Variants in CREB5 observed in about 807,000 individuals in gnomAD.
CREB5 encodes the protein cyclic AMP-responsive element-binding protein 5.
In CREB5, 19 loss-of-function variants were observed where a neutral mutation model predicts 57.1. That is an observed-to-expected ratio of 0.33 (90% CI 0.23 to 0.49). CREB5 has a LOEUF of 0.49. CREB5 is among the 20% of genes least tolerant of loss of function. The pLI is 0.99. For missense variants in CREB5, 579 were observed against 671.6 expected (o/e 0.86, Z 1.52); for synonymous variants, 238 against 238.3 (o/e 1.00, Z 0.01).
intron 1 of CREB5, among the ~76,000 whole-genome samples, chr7:28,316,224 G>C (rs1562653631): frequency 6.6e-6 from 1 of 152,118 alleles, no homozygotes; most frequent in Non-Finnish European, 1.5e-5. Flanking sequence ...TGGGCTGGGG[G>C]TGGAGGGTGT....
chr7:28,733,552 T>A (rs1803789047), intron 7 of CREB5, among the ~76,000 whole-genome samples: 1 of 152,238 alleles, frequency 6.6e-6, no homozygotes, highest in South Asian at 2.1e-4. Context: ...TCAGCTCAAA[T>A]GTACCTTTCC....
At chr7:28,804,603 C>A (rs1160328523) in intron 8 of CREB5, 81 bp downstream of exon 8, 15 of 1,519,550 alleles carry the variant, frequency 9.9e-6, no homozygotes, top group Non-Finnish European at 1.3e-5. Flanking sequence ...TCATTTGCAG[C>A]AATCTTGTTT....
intron 5 of CREB5, among the ~76,000 whole-genome samples, chr7:28,639,894 T>C (rs1345126996): frequency 6.6e-6 from 1 of 152,194 alleles, no homozygotes; most frequent in Non-Finnish European, 1.5e-5. Flanking sequence ...TGTGGTTTTC[T>C]ATGAACCTAC....
intron 5 of CREB5, among the ~76,000 whole-genome samples, chr7:28,697,902 C>T (rs2128735131): frequency 6.6e-6 from 1 of 152,278 alleles, no homozygotes; most frequent in East Asian, 1.9e-4. Flanking sequence ...TGATTTTTAA[C>T]ACAGCTCAAA....
At chr7:28,562,255 A>T (rs1194569690) in intron 4 of CREB5, among the ~76,000 whole-genome samples, 1 of 152,248 alleles carries the variant, frequency 6.6e-6, no homozygotes, top group Non-Finnish European at 1.5e-5. Flanking sequence ...AATTCAAGGC[A>T]TTAAGAAACT....
At chr7:28,313,721 C>G (rs767117227) in intron 1 of CREB5, among the ~76,000 whole-genome samples, 18 of 152,182 alleles carry the variant, frequency 1.2e-4, no homozygotes, top group Non-Finnish European at 2.4e-4. Flanking sequence ...TGATGGACAA[C>G]TCAATACCCC....
At chr7:28,390,070 A>G (rs1275334628) in intron 1 of CREB5, among the ~76,000 whole-genome samples, 1 of 150,708 alleles carries the variant, frequency 6.6e-6, no homozygotes, top group East Asian at 1.9e-4. Context: ...AACTCTTAAT[A>G]GAGATATTTT....
chr7:28,598,478 A>G (rs1338579014), intron 5 of CREB5, among the ~76,000 whole-genome samples: 1 of 152,194 alleles, frequency 6.6e-6, no homozygotes, highest in Non-Finnish European at 1.5e-5. Flanking sequence ...GCCATCAAGC[A>G]TCTTTGGACA....
chr7:28,709,650 T>A lies in CREB5; in HGVS notation c.465-9103T>A, dbSNP rs1023284982. Among the ~76,000 whole-genome samples the A allele has an allele frequency of 3.3e-5, 5 of 151,798 alleles. 1 individual carries two copies. In the East Asian group the frequency reaches 9.7e-4, roughly 29 times the overall value. Reference sequence around the variant, plus strand: ...GATCTGTTAGCTGTATTATGTTTTATTACTACCATTGGCTTACTTGAAGCC... The same window carrying A: ...GATCTGTTAGCTGTATTATGTTTTAATACTACCATTGGCTTACTTGAAGCC... On this transcript the variant is annotated intron_variant, in intron 5 of 10. Transcript: ENST00000357727.
intron 1 of CREB5, among the ~76,000 whole-genome samples, chr7:28,460,825 G>C (rs1583490160): frequency 6.6e-6 from 1 of 152,218 alleles, no homozygotes; most frequent in East Asian, 1.9e-4. Flanking sequence ...GAGAAAGAAG[G>C]AAGTGAGAGG....
At chr7:28,561,926 A>T (rs1424831496) in intron 4 of CREB5, among the ~76,000 whole-genome samples, 1 of 152,102 alleles carries the variant, frequency 6.6e-6, no homozygotes, top group Non-Finnish European at 1.5e-5. Context: ...TGTATTTTTT[A>T]GTAGTGATGG....
chr7:28,441,322 G>C (rs1224238681), intron 1 of CREB5, among the ~76,000 whole-genome samples: 1 of 152,224 alleles, frequency 6.6e-6, no homozygotes, highest in Non-Finnish European at 1.5e-5. Flanking sequence ...TTACTCAAAA[G>C]CACAGAGAGA....
chr7:28,566,804 A>C (rs1314485597), intron 4 of CREB5, among the ~76,000 whole-genome samples: 2 of 152,232 alleles, frequency 1.3e-5, no homozygotes, highest in African/African-American at 4.8e-5. Flanking sequence ...TGGGTAGAGA[A>C]GAGATTACAG....
Position 28,445,607 on chromosome 7 carries a change from A to G in CREB5, c.3+32690A>G, listed in dbSNP as rs184293372. Reference sequence around the variant, plus strand: ...CGCTCTGTTGCCCAGGCTGGAGTGCAGTGGCGCGATCTCGGCTCACTGCAA... The same window carrying G: ...CGCTCTGTTGCCCAGGCTGGAGTGCGGTGGCGCGATCTCGGCTCACTGCAA... On this transcript the variant is annotated intron_variant, in intron 1 of 10. Transcript: ENST00000357727. 1.6e-3 allele frequency among the ~76,000 whole-genome samples: 243 copies of G among 151,506 alleles called. 3 individuals carry two copies. The highest frequency in any genetic ancestry group is 6.8e-3 in the Middle Eastern group (2 of 292).
At position 28,570,834 on chromosome 7, in the gene CREB5, A is replaced by G. The variant is rs376383018; in HGVS notation, c.464+297A>G. 2.0e-5 allele frequency among the ~76,000 whole-genome samples: 3 copies of G among 152,196 alleles called. No homozygotes were observed. In the East Asian group the frequency reaches 5.8e-4, roughly 29 times the overall value. On this transcript the variant is annotated intron_variant, in intron 5 of 10. Coordinates refer to ENST00000357727, the MANE Select transcript of CREB5 (RefSeq NM_182898.4). ...GACTGTGGGAAAACCCATGGTTGTT[A>G]TGGAGACCAGAGTATAGTGCGCAGA...
chr7:28,760,950 G>A lies in CREB5; in HGVS notation c.702+36618G>A, dbSNP rs138848314. ...TAATCTTCCATAATATTTCCAAGTA[G>A]TAGGAGCATATATTCTTCTACTTGC... On this transcript the variant is annotated intron_variant, in intron 7 of 10. Coordinates refer to ENST00000357727, the MANE Select transcript of CREB5 (RefSeq NM_182898.4). Among the ~76,000 whole-genome samples, 1,441 of 152,242 alleles carry A rather than the reference G, an allele frequency of 9.5e-3. 18 individuals carry two copies. The highest frequency in any genetic ancestry group is 0.033 in the African/African-American group (1,365 of 41,548).
chr7:28,317,451 T>C (rs1785404435), intron 1 of CREB5, among the ~76,000 whole-genome samples: 1 of 152,216 alleles, frequency 6.6e-6, no homozygotes, highest in Non-Finnish European at 1.5e-5. Flanking sequence ...ATCTTCCTAA[T>C]AGCCTTGACT....
rs116135356 is a variant in CREB5, at chr7:28,399,006, G to A, written c.-24-95900G>A. Among the ~76,000 whole-genome samples, 974 of 152,158 alleles carry A rather than the reference G, an allele frequency of 6.4e-3. 11 individuals carry two copies. Among genetic ancestry groups the A allele is most frequent in the African/African-American group, 0.022 (913 of 41,510 alleles). The stretch of plus-strand genomic sequence containing the variant: ...GCTGGGATTACAAGCATGAGCCACC[G>A]CACCTGGTCTAATATTTTTTCTTCC... On this transcript the variant is annotated intron_variant, in intron 1 of 9. Transcript: ENST00000396299.
At chr7:28,400,389 A>G (rs1038705552) in intron 1 of CREB5, among the ~76,000 whole-genome samples, 1 of 152,210 alleles carries the variant, frequency 6.6e-6, no homozygotes, top group Admixed American at 6.5e-5. Context: ...GTGGGTGCTC[A>G]CAAATAATAG....
Sources: allele counts gnomAD v4.1 joint callset (sites outside exome capture counted in the v4.1 genomes callset), GRCh38; gene constraint gnomAD v4.1.1; transcripts MANE v1.5; gene names NCBI Gene and HGNC (gene_info 2026-07-23, HGNC 2026-07-21).